RPS5: variants seen among roughly 807,000 people sequenced by gnomAD.
RPS5 encodes the protein ribosomal protein S5, also known as small ribosomal subunit protein uS7.
In RPS5, 2 loss-of-function variants were observed where a neutral mutation model predicts 20.9. That is an observed-to-expected ratio of 0.10 (90% CI 0.04 to 0.30). RPS5 has a LOEUF of 0.30. Ranked by LOEUF, RPS5 falls within the 10% of genes least tolerant of loss-of-function variation. RPS5 has a pLI of 1.00. For missense variants in RPS5, 122 were observed against 287.2 expected, an observed-to-expected ratio of 0.42 and a Z score of 4.16; for synonymous variants, 112 against 105.8, an observed-to-expected ratio of 1.06 and a Z score of -0.36.
chr19:58,388,677 CTG>C, intron 2 of RPS5: 1 of 352,618 alleles, frequency 2.8e-6, no homozygotes, highest in Non-Finnish European at 4.8e-6. Context: ...GAGTCTCACT[CTG>C]TTCCCTGGGC....
intron 2 of RPS5, among the ~76,000 whole-genome samples, chr19:58,388,756 C>G (rs1015122271): frequency 4.7e-5 from 7 of 149,020 alleles, no homozygotes; most frequent in Admixed American, 2.7e-4. Context: ...TCCTGAGTAG[C>G]TGGGACTACA....
chr19:58,390,944 G>A (rs1403273615), intron 2 of RPS5, among the ~76,000 whole-genome samples: 4 of 152,114 alleles, frequency 2.6e-5, no homozygotes, highest in Admixed American at 2.6e-4. Context: ...GTAGAAACAG[G>A]TATTTTGTGT....
At chr19:58,394,347 A>C in intron 4 of RPS5, 150 bp from the exon 5 acceptor site, 2 of 646,582 alleles carry the variant, frequency 3.1e-6, no homozygotes, top group Non-Finnish European at 5.6e-6. Flanking sequence ...GTGACCCTCT[A>C]TCTGATTGCA....
chr19:58,393,039 G>A lies in RPS5; in HGVS notation c.172G>A (p.Ala58Thr), dbSNP rs775466724. 3.1e-6 allele frequency: 5 copies of A among 1,614,116 alleles called. No individual in the cohort carries two copies. Among genetic ancestry groups the A allele is most frequent in the Non-Finnish European group, 4.2e-6 (5 of 1,179,984 alleles). The change falls in exon 3 of 6, where the codon GCC becomes ACC. Residue 58 changes from alanine (A) to threonine (T), a missense_variant. This residue lies in a region of RPS5 where 9 missense variants were observed against 45.4 expected (regional missense o/e 0.20). Transcript: ENST00000196551. ...YLPHSAGRYA[A>T]KRFRKAQCPI... ...GCCTCACAGTGCAGGGCGGTATGCC[G>A]CCAAACGCTTCCGCAAAGCTCAGTG...
chr19:58,388,073 A>C, intron 1 of RPS5, 64 bp from the exon 2 acceptor site: 1 of 1,105,846 alleles, frequency 9.0e-7, no homozygotes, highest in Non-Finnish European at 1.4e-6. Context: ...GTTGGGAATG[A>C]GTGCGCCTTT....
chr19:58,388,970 C>T (rs7250889), intron 2 of RPS5, among the ~76,000 whole-genome samples: 69,892 of 151,850 alleles, frequency 0.46, 16,528 homozygotes, highest in African/African-American at 0.56. Flanking sequence ...TTATATTCCA[C>T]TGGTCTATAT....
intron 2 of RPS5, among the ~76,000 whole-genome samples, chr19:58,392,323 A>AGC (rs1568574233): frequency 7.3e-5 from 11 of 150,008 alleles, no homozygotes; most frequent in East Asian, 2.0e-4. Flanking sequence ...CTCAGCCTCA[A>AGC]GGGGGGGAAA....
chr19:58,394,148 A>T, intron 4 of RPS5: 1 of 244,580 alleles, frequency 4.1e-6, no homozygotes. Context: ...GTGGGGTTTC[A>T]CCAAGTTGCT....
rs2052375732 is a variant in RPS5 at position 58,393,278 on chromosome 19, T to C, written c.319-81T>C. Reference sequence around the variant, plus strand: ...TGTCAGGCTTATCCCCTGTGTGGTGTGGTCACTCTTGTTTTAGGTATGAGG... The same window carrying C: ...TGTCAGGCTTATCCCCTGTGTGGTGCGGTCACTCTTGTTTTAGGTATGAGG... On this transcript the variant is annotated intron_variant, in intron 3 of 5. Coordinates refer to ENST00000196551, the MANE Select transcript of RPS5 (RefSeq NM_001009.4). The C allele has an allele frequency of 3.1e-6, 5 of 1,608,444 alleles. No homozygotes were observed. In the South Asian group the frequency reaches 4.4e-5, roughly 14 times the overall value.
At chr19:58,389,089 C>CT (rs905226606) in intron 2 of RPS5, among the ~76,000 whole-genome samples, 1 of 152,076 alleles carries the variant, frequency 6.6e-6, no homozygotes, top group African/African-American at 2.4e-5. Context: ...TACACATACC[C>CT]TTTTTTTCCC....
chr19:58,387,895 A>C, intron 1 of RPS5: 1 of 546,744 alleles, frequency 1.8e-6, no homozygotes, highest in African/African-American at 1.9e-5. Context: ...CCAGTGCAGC[A>C]GCTGTTGACT....
chr19:58,393,572 C>CT, intron 4 of RPS5, 85 bp downstream of exon 4: 3 of 1,511,314 alleles, frequency 2.0e-6, no homozygotes, highest in Non-Finnish European at 1.8e-6. Context: ...AGGCTCCTCT[C>CT]TGTCTGCATG....
intron 2 of RPS5, 129 bp from the exon 3 acceptor site, chr19:58,392,847 G>A (rs2052372616): frequency 1.3e-6 from 1 of 794,364 alleles, no homozygotes; most frequent in Non-Finnish European, 2.0e-6. Context: ...CCCCTGTTGA[G>A]GCATACCAGG....
At chr19:58,388,997 G>A (rs563773168) in intron 2 of RPS5, among the ~76,000 whole-genome samples, 15 of 152,230 alleles carry the variant, frequency 9.9e-5, no homozygotes, top group East Asian at 3.9e-4. Flanking sequence ...CTCTATGCCA[G>A]TACCACACTT....
At chr19:58,391,454 T>TAAAAAAAAAA (rs2052363230) in intron 2 of RPS5, among the ~76,000 whole-genome samples, 1 of 104,018 alleles carries the variant, frequency 9.6e-6, no homozygotes, top group African/African-American at 5.1e-5. Context: ...AAAAAAAAAC[T>TAAAAAAAAAA]GGGCTGAGCA....
chr19:58,393,980 G>GT, intron 4 of RPS5: 1 of 169,038 alleles, frequency 5.9e-6, no homozygotes, highest in Non-Finnish European at 1.3e-5. Flanking sequence ...ATATTGCCTT[G>GT]TTTTTTAGAA....
intron 2 of RPS5, among the ~76,000 whole-genome samples, chr19:58,392,331 A>G (rs13382065): frequency 0.37 from 53,577 of 146,580 alleles, 10,245 homozygotes; most frequent in East Asian, 0.53. Flanking sequence ...CAAGGGGGGG[A>G]AAAAAAAAAC....
chr19:58,393,284 C>T, intron 3 of RPS5, 75 bp from the exon 4 acceptor site: 1 of 1,608,520 alleles, frequency 6.2e-7, no homozygotes. Flanking sequence ...GGTGTGGTCA[C>T]TCTTGTTTTA....
Position 58,393,504 on chromosome 19 carries a change from T to C in RPS5, c.447+17T>C. On this transcript the variant is annotated intron_variant, in intron 4 of 5. Transcript: ENST00000196551. Reference sequence around the variant, plus strand: ...GTGAACCAGGTGAGCCTGGGGCTTATGCACGTGGCAGGGTGGACACAGCCA... The same window carrying C: ...GTGAACCAGGTGAGCCTGGGGCTTACGCACGTGGCAGGGTGGACACAGCCA... 6.2e-7 allele frequency: 1 copy of C among 1,603,084 alleles called. No homozygotes were observed. The highest frequency in any genetic ancestry group is 8.5e-7 in the Non-Finnish European group (1 of 1,176,028).
Sources: allele counts gnomAD v4.1 joint callset (sites outside exome capture counted in the v4.1 genomes callset), GRCh38; gene constraint gnomAD v4.1.1; regional missense constraint gnomAD v4.1.1; transcripts MANE v1.5; gene names NCBI Gene and HGNC (gene_info 2026-07-23, HGNC 2026-07-21).